The following PDE1C variants were observed in gnomAD, a reference collection of about 807,000 sequenced individuals.
PDE1C encodes the protein phosphodiesterase 1C.
In PDE1C, 62 loss-of-function variants were observed where a neutral mutation model predicts 93.1. The observed-to-expected ratio is 0.67, with a 90% CI of 0.54 to 0.82. The LOEUF is 0.82. Among genes scored for constraint, PDE1C ranks in the 40% least tolerant of loss-of-function variants. PDE1C has a pLI of 0.00. For missense variants in PDE1C, 742 were observed against 884.6 expected (o/e 0.84, Z 2.04); for synonymous variants, 325 against 310.1 (o/e 1.05, Z -0.50).
At chr7:32,113,236 A>AATAT (rs35138046) in intron 3 of PDE1C, among the ~76,000 whole-genome samples, 5,237 of 93,924 alleles carry the variant, frequency 0.056, 349 homozygotes, top group East Asian at 0.093. Context: ...ATTGTCCTTA[A>AATAT]ATATATATAT....
chr7:32,182,348 A>C (rs1248396736), intron 2 of PDE1C, among the ~76,000 whole-genome samples: 3 of 152,244 alleles, frequency 2.0e-5, no homozygotes, highest in African/African-American at 7.2e-5. Flanking sequence ...CACAACAAAC[A>C]AAGAGAATTT....
At chr7:31,768,289 G>T (rs1288347464) in intron 17 of PDE1C, among the ~76,000 whole-genome samples, 1 of 152,148 alleles carries the variant, frequency 6.6e-6, no homozygotes, top group Non-Finnish European at 1.5e-5. Context: ...AGTGAGTCGG[G>T]CCAGGCTGCG....
At chr7:31,863,518 C>T (rs1040944798) in intron 7 of PDE1C, among the ~76,000 whole-genome samples, 2 of 152,136 alleles carry the variant, frequency 1.3e-5, no homozygotes, top group African/African-American at 2.4e-5. Context: ...GATGCTTGCT[C>T]TAAATGTTTG....
chr7:31,970,708 A>C (rs1810828878), intron 2 of PDE1C, among the ~76,000 whole-genome samples: 1 of 152,234 alleles, frequency 6.6e-6, no homozygotes, highest in African/African-American at 2.4e-5. Context: ...GATCAAACTG[A>C]TGCCTCAATT....
chr7:32,315,722 G>A (rs62457533), intron 1 of PDE1C, among the ~76,000 whole-genome samples: 9,889 of 152,262 alleles, frequency 0.065, 433 homozygotes, highest in Non-Finnish European at 0.093. Context: ...TTTGGCCGGC[G>A]TGGTGGCTCA....
chr7:32,000,961 C>T (rs878996435), intron 2 of PDE1C, among the ~76,000 whole-genome samples: 2 of 151,890 alleles, frequency 1.3e-5, no homozygotes, highest in Non-Finnish European at 2.9e-5. Context: ...TTGATCTCTC[C>T]ACGTTTGTAT....
the PDE1C span, chr7:31,643,332 T>A: frequency 6.2e-7 from 1 of 1,614,006 alleles, no homozygotes; most frequent in South Asian, 1.1e-5. Flanking sequence ...CTTATGCAAC[T>A]GACCTTGCTC....
intron 1 of PDE1C, among the ~76,000 whole-genome samples, chr7:32,061,097 T>C (rs1794749324): frequency 6.6e-6 from 1 of 152,220 alleles, no homozygotes; most frequent in Non-Finnish European, 1.5e-5. Flanking sequence ...AGGAAAAGTC[T>C]TGGTTATTTA....
At chr7:31,829,890 A>G (rs1231829535) in intron 11 of PDE1C, among the ~76,000 whole-genome samples, 3 of 152,292 alleles carry the variant, frequency 2.0e-5, no homozygotes, top group Middle Eastern at 3.4e-3. Context: ...GGGATAGTTC[A>G]GCTAAAACAA....
intron 2 of PDE1C, among the ~76,000 whole-genome samples, chr7:32,015,866 A>G (rs1787830801): frequency 1.3e-5 from 2 of 152,200 alleles, no homozygotes; most frequent in Non-Finnish European, 2.9e-5. Context: ...AATCTCACTG[A>G]GAATCAATGA....
chr7:32,226,810 G>T (rs1047059694), intron 1 of PDE1C, among the ~76,000 whole-genome samples: 3 of 152,140 alleles, frequency 2.0e-5, no homozygotes, highest in Admixed American at 2.0e-4. Context: ...CCAAAGCCAG[G>T]GAAACCCAAT....
the PDE1C span, among the ~76,000 whole-genome samples, chr7:31,745,772 A>G: frequency 9.8e-5 from 15 of 152,362 alleles, no homozygotes; most frequent in African/African-American, 3.4e-4. Flanking sequence ...ATGTCACTTC[A>G]TGAGAAACTT....
chr7:32,103,034 A>G (rs1798113581), intron 3 of PDE1C, among the ~76,000 whole-genome samples: 1 of 152,176 alleles, frequency 6.6e-6, no homozygotes, highest in South Asian at 2.1e-4. Context: ...GCCACTTACA[A>G]ATAAGGGAGA....
intron 3 of PDE1C, among the ~76,000 whole-genome samples, chr7:32,102,292 A>C (rs1050943799): frequency 6.6e-6 from 1 of 152,086 alleles, no homozygotes. Flanking sequence ...GGTTTCTTTG[A>C]GGTTTCTTGG....
At chr7:32,076,182 G>A (rs1396847151), upstream of PDE1C, among the ~76,000 whole-genome samples, 3 of 152,142 alleles carry the variant, frequency 2.0e-5, no homozygotes, top group African/African-American at 7.2e-5. Flanking sequence ...ATTGGTCCAG[G>A]GGGTGATATG....
the PDE1C span, among the ~76,000 whole-genome samples, chr7:31,732,148 C>T: frequency 6.6e-6 from 1 of 152,192 alleles, no homozygotes; most frequent in Non-Finnish European, 1.5e-5. Context: ...CTGAGACATT[C>T]CCTGGGAAAG....
intron 2 of PDE1C, among the ~76,000 whole-genome samples, chr7:32,044,559 T>C (rs976376577): frequency 4.6e-5 from 7 of 151,834 alleles, no homozygotes; most frequent in Middle Eastern, 6.8e-3. Context: ...ATGGAGAAGA[T>C]GAAGAAACCA....
In PDE1C at chr7:31,809,096, T is replaced by A. The variant is rs1448670004; in HGVS notation, c.1826A>T (p.Asp609Val). The change falls in exon 16 of 18, where the codon GAT becomes GTT. Residue 609 changes from aspartate (D) to valine (V), a missense_variant. Physicochemically the swap from Asp to Val is radical, Grantham distance 152. Transcript: ENST00000396191. ...CTTCTTGTCTGTCTTATTTTTACCA[T>A]CTTTGAAGTCACCTGAAAGTAATAA... is the stretch of plus-strand genomic sequence containing the variant. ...GEQQQNGDFKDGKNKTDKKDH... is the reference protein window; with the variant it reads ...GEQQQNGDFKVGKNKTDKKDH... The A allele has an allele frequency of 6.3e-7, 1 of 1,578,990 alleles. No homozygotes were observed. Among genetic ancestry groups the A allele is most frequent in the Non-Finnish European group, 8.7e-7 (1 of 1,149,490 alleles).
At chr7:32,264,489 C>A (rs941820757) in intron 1 of PDE1C, among the ~76,000 whole-genome samples, 2 of 152,206 alleles carry the variant, frequency 1.3e-5, no homozygotes, top group Non-Finnish European at 2.9e-5. Context: ...AAACCAATGC[C>A]TTTTACACTC....
Sources: gnomAD v4.1 joint callset for allele counts (sites outside exome capture counted in the v4.1 genomes callset) on GRCh38, gnomAD v4.1.1 for gene constraint, MANE v1.5 for transcripts, NCBI Gene and HGNC (gene_info 2026-07-23, HGNC 2026-07-21) for gene names.